The following PRKG1 variants were observed in gnomAD, a reference collection of about 807,000 sequenced individuals.
PRKG1 encodes the protein cGMP-dependent protein kinase 1.
A neutral mutation model predicts 88.1 loss-of-function variants in PRKG1; 35 were observed. The ratio of observed to expected loss-of-function variants is 0.40; its 90% CI spans 0.30 to 0.53. The LOEUF is 0.53. Among genes scored for constraint, PRKG1 ranks in the 20% least tolerant of loss-of-function variants. The pLI, the probability that PRKG1 is intolerant of heterozygous loss-of-function variation, is 0.59. For missense variants in PRKG1, 540 were observed against 839.8 expected (o/e 0.64, Z 4.41); for synonymous variants, 303 against 292.5 (o/e 1.04, Z -0.37).
At chr10:52,202,920 C>T (rs1839714554) in intron 9 of PRKG1, among the ~76,000 whole-genome samples, 1 of 151,648 alleles carries the variant, frequency 6.6e-6, no homozygotes, top group Non-Finnish European at 1.5e-5. Flanking sequence ...TCTCTCTTTT[C>T]TCTAGCTAGT....
chr10:51,479,188 G>A (rs1840286275), intron 3 of PRKG1, among the ~76,000 whole-genome samples: 1 of 151,698 alleles, frequency 6.6e-6, no homozygotes, highest in African/African-American at 2.4e-5. Flanking sequence ...ATATTTTTCT[G>A]TATAGACTGT....
intron 3 of PRKG1, among the ~76,000 whole-genome samples, chr10:51,599,556 A>G (rs1458049276): frequency 6.6e-6 from 1 of 152,170 alleles, no homozygotes; most frequent in Non-Finnish European, 1.5e-5. Flanking sequence ...AGATATTACA[A>G]CACTGTATCT....
At chr10:51,101,498 T>G (rs922302680) in intron 1 of PRKG1, among the ~76,000 whole-genome samples, 1 of 152,308 alleles carries the variant, frequency 6.6e-6, no homozygotes, top group African/African-American at 2.4e-5. Context: ...TCCAGATTAC[T>G]TGTCTCATGT....
chr10:51,117,690 G>A (rs1845160590), intron 1 of PRKG1, among the ~76,000 whole-genome samples: 1 of 152,166 alleles, frequency 6.6e-6, no homozygotes, highest in African/African-American at 2.4e-5. Flanking sequence ...TCTAATGGAG[G>A]CATTGCTTTA....
intron 5 of PRKG1, among the ~76,000 whole-genome samples, chr10:52,053,230 C>CT (rs1172845153): frequency 1.9e-3 from 1 of 524 alleles, no homozygotes; most frequent in Non-Finnish European, 6.8e-3. Context: ...ATAAGAAATA[C>CT]TTTTTTATTT....
intron 9 of PRKG1, among the ~76,000 whole-genome samples, chr10:52,178,519 A>G (rs144884044): frequency 6.6e-6 from 1 of 152,034 alleles, no homozygotes; most frequent in East Asian, 1.9e-4. Flanking sequence ...CATTTGCTCG[A>G]TGGTGTACTT....
intron 5 of PRKG1, among the ~76,000 whole-genome samples, chr10:52,011,487 C>T (rs1306754180): frequency 6.6e-6 from 1 of 151,988 alleles, no homozygotes; most frequent in Admixed American, 6.5e-5. Context: ...TTTTTTTGGT[C>T]CTATCTAGAG....
intron 3 of PRKG1, among the ~76,000 whole-genome samples, chr10:51,741,014 C>T (rs1471749387): frequency 6.6e-6 from 1 of 151,488 alleles, no homozygotes; most frequent in Non-Finnish European, 1.5e-5. Flanking sequence ...TGGACAGACG[C>T]AGAGAAGGAG....
intron 3 of PRKG1, among the ~76,000 whole-genome samples, chr10:51,615,607 T>C (rs1312728788): frequency 6.6e-6 from 1 of 151,758 alleles, no homozygotes; most frequent in Non-Finnish European, 1.5e-5. Context: ...TTTTTGAAAC[T>C]TTCAATCTAT....
At chr10:51,808,491 T>TACTC in intron 4 of PRKG1, among the ~76,000 whole-genome samples, 1 of 152,176 alleles carries the variant, frequency 6.6e-6, no homozygotes, top group South Asian at 2.1e-4. Flanking sequence ...TGGTACCAGC[T>TACTC]ACTCAGGAGG....
chr10:51,852,652 A>G (rs892449684), intron 4 of PRKG1, among the ~76,000 whole-genome samples: 4 of 152,302 alleles, frequency 2.6e-5, no homozygotes, highest in Non-Finnish European at 4.4e-5. Flanking sequence ...ATGAGCATAT[A>G]TAAGAATACT....
At chr10:51,823,711 G>T (rs544387787) in intron 4 of PRKG1, among the ~76,000 whole-genome samples, 1 of 151,986 alleles carries the variant, frequency 6.6e-6, no homozygotes, top group South Asian at 2.1e-4. Flanking sequence ...TCCTAATTCT[G>T]TCTTGAAAGA....
At chr10:51,501,054 C>T (rs1301403804) in intron 3 of PRKG1, among the ~76,000 whole-genome samples, 5 of 151,858 alleles carry the variant, frequency 3.3e-5, no homozygotes, top group Non-Finnish European at 7.3e-5. Context: ...ATATTTAGCA[C>T]TCAGACCTTC....
At chr10:51,746,596 G>A (rs1837585422) in intron 3 of PRKG1, among the ~76,000 whole-genome samples, 1 of 151,988 alleles carries the variant, frequency 6.6e-6, no homozygotes, top group Admixed American at 6.6e-5. Flanking sequence ...CATGGTGGGT[G>A]CCTGTAGTCC....
chr10:51,970,737 T>TAA (rs1554862303), intron 5 of PRKG1, among the ~76,000 whole-genome samples: 1 of 124,440 alleles, frequency 8.0e-6, no homozygotes, highest in Non-Finnish European at 1.5e-5. Flanking sequence ...ATATATCAGA[T>TAA]TATATATATA....
intron 3 of PRKG1, chr10:51,699,549 T>G (rs565546131): frequency 6.2e-7 from 1 of 1,606,964 alleles, no homozygotes; most frequent in Non-Finnish European, 8.5e-7. Context: ...AAACTCGACA[T>G]GATTCCGGTT....
chr10:51,686,179 C>T (rs900502881), intron 3 of PRKG1, among the ~76,000 whole-genome samples: 2 of 150,622 alleles, frequency 1.3e-5, no homozygotes, highest in Non-Finnish European at 2.9e-5. Context: ...TTCAGGGGTC[C>T]ATGTGTAGGT....
chr10:52,280,902 T>C lies in PRKG1; in HGVS notation c.1517T>C (p.Ile506Thr). The part of the protein sequence containing the change: ...IYRDLKPENL[I>T]LDHRGYAKLV... ...AGGGACCTCAAGCCAGAAAATCTCA[T>C]CCTAGATCACCGAGGTTATGCCAAA... Residue 506 changes from isoleucine to threonine, a missense_variant, in exon 13 of 18, where the codon ATC (isoleucine) becomes ACC (threonine). Transcript: ENST00000373980. 1 of 1,613,530 alleles carries C rather than the reference T, an allele frequency of 6.2e-7. No individual in the cohort carries two copies. The highest frequency in any genetic ancestry group is 8.5e-7 in the Non-Finnish European group (1 of 1,179,642).
At chr10:51,045,747 T>G (rs1161278734) in intron 1 of PRKG1, among the ~76,000 whole-genome samples, 4 of 152,222 alleles carry the variant, frequency 2.6e-5, no homozygotes, top group South Asian at 2.1e-4. Flanking sequence ...TCATAAAATA[T>G]TTTCTACCTT....
Sources: allele counts gnomAD v4.1 joint callset (sites outside exome capture counted in the v4.1 genomes callset), GRCh38; gene constraint gnomAD v4.1.1; transcripts MANE v1.5; gene names NCBI Gene and HGNC (gene_info 2026-07-23, HGNC 2026-07-21).